MGAT4C: variants seen among roughly 807,000 people sequenced by gnomAD.
MGAT4C encodes MGAT4 family member C, also known as alpha-1,3-mannosyl-glycoprotein 4-beta-N-acetylglucosaminyltransferase C.
In MGAT4C, 19 loss-of-function variants were observed where a neutral mutation model predicts 40.1. The ratio of observed to expected loss-of-function variants is 0.47; its 90% CI spans 0.33 to 0.70. MGAT4C has a LOEUF of 0.70. MGAT4C is among the 30% of genes least tolerant of loss of function. The pLI, the probability that MGAT4C is intolerant of heterozygous loss-of-function variation, is 0.02. For missense variants in MGAT4C, 491 were observed against 563.2 expected (o/e 0.87, Z 1.30); for synonymous variants, 181 against 187.1 (o/e 0.97, Z 0.27).
chr12:86,792,642 C>T (rs1208028759), intron 1 of MGAT4C, among the ~76,000 whole-genome samples: 2 of 152,162 alleles, frequency 1.3e-5, no homozygotes, highest in African/African-American at 2.4e-5. Flanking sequence ...ATTTTAAAAC[C>T]TGGTTGTGGC....
chr12:86,316,878 TA>T (rs1954249771), intron 4 of MGAT4C, among the ~76,000 whole-genome samples: 1 of 152,034 alleles, frequency 6.6e-6, no homozygotes, highest in African/African-American at 2.4e-5. Flanking sequence ...ATTGAAATTA[TA>T]TTATAAAAAA....
chr12:86,324,082 A>G (rs1954464397), intron 4 of MGAT4C, among the ~76,000 whole-genome samples: 1 of 152,100 alleles, frequency 6.6e-6, no homozygotes, highest in South Asian at 2.1e-4. Flanking sequence ...ATTTTTAATT[A>G]AATTCAGCAA....
intron 1 of MGAT4C, among the ~76,000 whole-genome samples, chr12:86,743,192 T>C (rs1028568832): frequency 2.2e-5 from 3 of 139,016 alleles, no homozygotes; most frequent in African/African-American, 8.0e-5. Flanking sequence ...CTCTCTGGCT[T>C]CCATTCAGAC....
intron 2 of MGAT4C, among the ~76,000 whole-genome samples, chr12:86,541,496 C>A (rs141073229): frequency 2.0e-5 from 3 of 152,054 alleles, no homozygotes; most frequent in Non-Finnish European, 2.9e-5. Flanking sequence ...TAACCAAAAG[C>A]AGTCCAAATT....
chr12:86,208,852 G>A (rs1430215204), intron 1 of MGAT4C, among the ~76,000 whole-genome samples: 1 of 151,978 alleles, frequency 6.6e-6, no homozygotes, highest in Non-Finnish European at 1.5e-5. Context: ...TCTCAATTTA[G>A]ATTTACTTAA....
intron 2 of MGAT4C, among the ~76,000 whole-genome samples, chr12:86,534,447 T>C (rs1959037699): frequency 6.6e-6 from 1 of 152,126 alleles, no homozygotes; most frequent in Non-Finnish European, 1.5e-5. Flanking sequence ...CCATAAAATG[T>C]ATGAAATCAA....
At chr12:86,440,365 T>TAAAA in intron 2 of MGAT4C, among the ~76,000 whole-genome samples, 1 of 151,538 alleles carries the variant, frequency 6.6e-6, no homozygotes, top group Admixed American at 6.6e-5. Flanking sequence ...AAAACAGAAT[T>TAAAA]AAAAACAAAA....
chr12:86,642,489 A>C (rs1252052773), intron 2 of MGAT4C, among the ~76,000 whole-genome samples: 1 of 151,824 alleles, frequency 6.6e-6, no homozygotes, highest in Non-Finnish European at 1.5e-5. Context: ...ACATGATAGA[A>C]TACTATTATT....
At chr12:86,363,291 T>C (rs564175236) in intron 3 of MGAT4C, among the ~76,000 whole-genome samples, 1 of 152,214 alleles carries the variant, frequency 6.6e-6, no homozygotes, top group South Asian at 2.1e-4. Context: ...TTAGAAGAAT[T>C]GTAATCAATA....
intron 1 of MGAT4C, among the ~76,000 whole-genome samples, chr12:86,736,460 T>C (rs1411387542): frequency 6.6e-6 from 1 of 151,730 alleles, no homozygotes; most frequent in Admixed American, 6.6e-5. Flanking sequence ...CTTCCTTAAA[T>C]GCAACATTGT....
At chr12:86,627,709 A>T (rs1441047873) in intron 2 of MGAT4C, among the ~76,000 whole-genome samples, 2 of 152,206 alleles carry the variant, frequency 1.3e-5, no homozygotes, top group African/African-American at 4.8e-5. Context: ...ATCAACAAAA[A>T]GGACATTCAC....
At chr12:86,245,284 T>C (rs1177652243) in intron 1 of MGAT4C, among the ~76,000 whole-genome samples, 4 of 152,156 alleles carry the variant, frequency 2.6e-5, no homozygotes, top group Non-Finnish European at 5.9e-5. Flanking sequence ...TTAGGTCTCC[T>C]CCAGTTACTG....
chr12:86,692,319 CAT>C (rs372603848), intron 2 of MGAT4C, among the ~76,000 whole-genome samples: 21 of 152,156 alleles, frequency 1.4e-4, no homozygotes, highest in African/African-American at 3.1e-4. Context: ...AGTATAATTA[CAT>C]GTTATCACAT....
At chr12:86,348,796 T>C (rs1313604002) in intron 3 of MGAT4C, among the ~76,000 whole-genome samples, 1 of 152,156 alleles carries the variant, frequency 6.6e-6, no homozygotes, top group African/African-American at 2.4e-5. Context: ...ATGATGTGTA[T>C]TTATATGAGC....
At chr12:86,559,264 G>T (rs1231596690) in intron 2 of MGAT4C, among the ~76,000 whole-genome samples, 1 of 151,900 alleles carries the variant, frequency 6.6e-6, no homozygotes, top group Non-Finnish European at 1.5e-5. Context: ...GATTAGGTAT[G>T]CAAAATATTA....
chr12:86,772,514 CCT>C (rs1951656250), intron 1 of MGAT4C, among the ~76,000 whole-genome samples: 1 of 152,066 alleles, frequency 6.6e-6, no homozygotes, highest in Non-Finnish European at 1.5e-5. Context: ...TTTGTCTCCT[CCT>C]TGGTTCTAAA....
chr12:86,621,393 C>T (rs1403270246), intron 2 of MGAT4C, among the ~76,000 whole-genome samples: 1 of 152,130 alleles, frequency 6.6e-6, no homozygotes, highest in African/African-American at 2.4e-5. Flanking sequence ...AAGAGATGAA[C>T]TCTATGAGTG....
At position 86,680,590 on chromosome 12, in the gene MGAT4C, C is replaced by A. The variant is rs547822731; in HGVS notation, c.-229+46619G>T. ...CCATAGGGTTGCATAGTTTCACAGA[C>A]ACGACTGCATTTTTAAAAAGTAAAT... On this transcript the variant is annotated intron_variant, in intron 2 of 7. Coordinates refer to the MGAT4C transcript ENST00000548651. Among the ~76,000 whole-genome samples the A allele has an allele frequency of 2.0e-5, 3 of 152,130 alleles. No homozygotes were observed. The East Asian group carries it at 5.8e-4, about 29-fold the overall frequency.
At chr12:86,110,296 C>CTATATATATATAGTATATATATATAG (rs375212206) in intron 1 of MGAT4C, among the ~76,000 whole-genome samples, 1 of 18,936 alleles carries the variant, frequency 5.3e-5, no homozygotes, top group Admixed American at 7.8e-4. Context: ...TATATATAGT[C>CTATATATATATAGTATATATATATAG]TCTCTATATA....
Sources: allele counts gnomAD v4.1 joint callset (sites outside exome capture counted in the v4.1 genomes callset), GRCh38; gene constraint gnomAD v4.1.1; transcripts MANE v1.5; gene names NCBI Gene and HGNC (gene_info 2026-07-23, HGNC 2026-07-21).